The following USP13 variants were observed in gnomAD, a reference collection of about 807,000 sequenced individuals.
USP13 encodes the protein ubiquitin specific peptidase 13.
Under a neutral mutation model 107.8 loss-of-function variants are expected in USP13, and 68 were observed. The observed-to-expected ratio is 0.63, with a 90% CI of 0.52 to 0.77. The LOEUF (loss-of-function observed/expected upper bound fraction) is 0.77. USP13 is among the 30% of genes least tolerant of loss of function. The probability of loss-of-function intolerance (pLI) is 0.00; values close to 1 mark genes in which losing one functional copy is unlikely to be tolerated. For synonymous variants in USP13, 377 were observed against 389.5 expected (o/e 0.97, Z 0.38); for missense variants, 945 against 1,093.3 (o/e 0.86, Z 1.91).
chr3:179,770,691 A>G (rs56873355), intron 19 of USP13, among the ~76,000 whole-genome samples: 1,618 of 151,556 alleles, frequency 0.011, 32 homozygotes, highest in African/African-American at 0.038. Flanking sequence ...TGCAACCTCC[A>G]ACTCCCTGGT....
At chr3:179,745,289 A>C in intron 13 of USP13, 72 bp downstream of exon 13, 1 of 1,325,224 alleles carries the variant, frequency 7.5e-7, no homozygotes, top group Non-Finnish European at 1.0e-6. Context: ...GGTAAGGGAA[A>C]GGGGGTGGGT....
intron 19 of USP13, 97 bp downstream of exon 19, chr3:179,765,945 A>T: frequency 7.4e-7 from 1 of 1,351,598 alleles, no homozygotes; most frequent in Admixed American, 2.5e-5. Context: ...CTTTGCCATC[A>T]TTCAAAAGTT....
At chr3:179,756,904 T>C (rs1002709576) in intron 15 of USP13, 148 bp from the exon 16 acceptor site, 1 of 718,618 alleles carries the variant, frequency 1.4e-6, no homozygotes, top group Non-Finnish European at 2.4e-6. Flanking sequence ...GCTGGGGTGG[T>C]CTGCGTGTGG....
intron 1 of USP13, among the ~76,000 whole-genome samples, chr3:179,666,789 T>G (rs551178433): frequency 6.6e-6 from 1 of 152,136 alleles, no homozygotes; most frequent in East Asian, 1.9e-4. Context: ...CACGAGAGCA[T>G]GTGCTTGCCG....
At chr3:179,706,507 C>G (rs1042673029) in intron 4 of USP13, among the ~76,000 whole-genome samples, 1 of 152,182 alleles carries the variant, frequency 6.6e-6, no homozygotes, top group Non-Finnish European at 1.5e-5. Context: ...TGACCACATG[C>G]CATTGTGTGA....
intron 10 of USP13, among the ~76,000 whole-genome samples, chr3:179,730,988 G>A (rs929987902): frequency 1.3e-5 from 2 of 152,194 alleles, no homozygotes; most frequent in African/African-American, 2.4e-5. Context: ...AGCTGAGATC[G>A]AAGGACTAAA....
At position 179,653,423 on chromosome 3, in the gene USP13, G is replaced by C; in HGVS notation, c.168+30G>C. The C allele has an allele frequency of 6.5e-7, 1 of 1,541,204 alleles. No homozygotes were observed. Among genetic ancestry groups the C allele is most frequent in the South Asian group, 1.2e-5 (1 of 83,756 alleles). Reference sequence around the variant, plus strand: ...GTGAGGCGCCTCGGGGGAGGGTCGCGGGGCCGGCGGCCTGCGGCACGTGAA... The same window carrying C: ...GTGAGGCGCCTCGGGGGAGGGTCGCCGGGCCGGCGGCCTGCGGCACGTGAA... On this transcript the variant is annotated intron_variant, in intron 1 of 20. Transcript: ENST00000263966. This position sits in a 1 kb window ranked among gnomAD's most constrained non-coding sequence, Gnocchi z 4.0.
At chr3:179,671,228 C>CT (rs1560043038) in intron 1 of USP13, among the ~76,000 whole-genome samples, 3 of 152,038 alleles carry the variant, frequency 2.0e-5, no homozygotes, top group South Asian at 2.1e-4. Context: ...GTGAGACTCT[C>CT]TCAAAGATAA....
At chr3:179,735,331 A>G (rs1381040538) in intron 10 of USP13, among the ~76,000 whole-genome samples, 1 of 152,038 alleles carries the variant, frequency 6.6e-6, no homozygotes, top group Non-Finnish European at 1.5e-5. Flanking sequence ...GCTAAATGGG[A>G]AACATGCTTT....
At chr3:179,720,443 C>T (rs1335146310) in intron 7 of USP13, among the ~76,000 whole-genome samples, 1 of 152,182 alleles carries the variant, frequency 6.6e-6, no homozygotes, top group Non-Finnish European at 1.5e-5. Context: ...GGGGATAGAA[C>T]GAATAAACCA....
chr3:179,653,546 G>T lies in USP13; in HGVS notation c.168+153G>T, dbSNP rs1720154912. The T allele has an allele frequency of 1.2e-5, 13 of 1,061,992 alleles. No homozygotes were observed. The highest frequency in any genetic ancestry group is 1.7e-5 in the Non-Finnish European group (13 of 753,618). The allele number at this position is 1,061,992 out of a possible 1,614,324, so 65.8% of individuals were successfully genotyped here. ...CACTGCAGTTCGGCAGACACTTAGT[G>T]AGCGCCCCAGGGCTGCTGCAGCCGA... On this transcript the variant is annotated intron_variant, in intron 1 of 20. Coordinates refer to ENST00000263966, the MANE Select transcript of USP13 (RefSeq NM_003940.3). The surrounding 1 kb of genome is among the most constrained non-coding windows in gnomAD (Gnocchi z 4.0).
chr3:179,683,259 G>C (rs1410759129), intron 2 of USP13, among the ~76,000 whole-genome samples: 1 of 150,460 alleles, frequency 6.6e-6, no homozygotes, highest in African/African-American at 2.4e-5. Context: ...CTTTGTTTAT[G>C]AATTATTTTG....
chr3:179,653,541 T>G lies in USP13; in HGVS notation c.168+148T>G, dbSNP rs79428762. 77,707 of 1,153,668 alleles carry G rather than the reference T, an allele frequency of 0.067. 3,017 individuals carry two copies. The highest frequency in any genetic ancestry group is 0.089 in the Middle Eastern group (295 of 3,306). 71.5% of individuals were successfully genotyped at this position (1,153,668 alleles called of 1,614,324 possible). Reference sequence around the variant, plus strand: ...AGGAACACTGCAGTTCGGCAGACACTTAGTGAGCGCCCCAGGGCTGCTGCA... The same window carrying G: ...AGGAACACTGCAGTTCGGCAGACACGTAGTGAGCGCCCCAGGGCTGCTGCA... On this transcript the variant is annotated intron_variant, in intron 1 of 20. Coordinates refer to ENST00000263966, the MANE Select transcript of USP13 (RefSeq NM_003940.3). This position sits in a 1 kb window ranked among gnomAD's most constrained non-coding sequence, Gnocchi z 4.0.
In USP13 at chr3:179,712,594, C is replaced by A. The variant is rs576670449; in HGVS notation, c.805+3637C>A. 2.6e-5 allele frequency among the ~76,000 whole-genome samples: 4 copies of A among 151,970 alleles called. No homozygotes were observed. The South Asian group carries it at 8.3e-4, about 32-fold the overall frequency. ...ATGTTTTTCTATGCTATTAAATATTCTTCAGTATTTTATGATGGTTTCATA... is the reference window on the plus strand; with the variant it reads ...ATGTTTTTCTATGCTATTAAATATTATTCAGTATTTTATGATGGTTTCATA... On this transcript the variant is annotated intron_variant, in intron 6 of 20. Transcript: ENST00000263966.
Position 179,774,881 on chromosome 3 carries a change from G to A in USP13, c.2414-6858G>A, listed in dbSNP as rs193102845. Among the ~76,000 whole-genome samples, 165 of 152,130 alleles carry A rather than the reference G, an allele frequency of 1.1e-3. 1 individual carries two copies. Among genetic ancestry groups the A allele is most frequent in the African/African-American group, 3.8e-3 (156 of 41,464 alleles). On this transcript the variant is annotated intron_variant, in intron 19 of 20. Coordinates refer to ENST00000263966, the MANE Select transcript of USP13 (RefSeq NM_003940.3). ...TGATTGGTGCATTTACAATCCCTGA[G>A]CTAGACACAGAGTGCTGATTGGTGT...
At chr3:179,657,751 G>C (rs1176521417) in intron 1 of USP13, among the ~76,000 whole-genome samples, 3 of 94,956 alleles carry the variant, frequency 3.2e-5, no homozygotes, top group Non-Finnish European at 5.8e-5. Flanking sequence ...TGACAGAGGG[G>C]AATTCCGTCT....
At chr3:179,681,753 A>T in intron 1 of USP13, 125 bp from the exon 2 acceptor site, 5 of 1,229,990 alleles carry the variant, frequency 4.1e-6, no homozygotes, top group Non-Finnish European at 5.7e-6. Context: ...GTATCACAGC[A>T]GGAGCCTCGG....
At chr3:179,744,507 G>C (rs537247735) in intron 12 of USP13, among the ~76,000 whole-genome samples, 1 of 152,288 alleles carries the variant, frequency 6.6e-6, no homozygotes, top group East Asian at 1.9e-4. Context: ...GGCCTTATCT[G>C]TTGGGTTGTG....
intron 2 of USP13, among the ~76,000 whole-genome samples, chr3:179,686,263 G>T (rs1226491518): frequency 6.6e-6 from 1 of 152,114 alleles, no homozygotes; most frequent in African/African-American, 2.4e-5. Flanking sequence ...GGGAATCCCT[G>T]GACAGGAACT....
Sources: allele counts gnomAD v4.1 joint callset (sites outside exome capture counted in the v4.1 genomes callset), GRCh38; gene constraint gnomAD v4.1.1; non-coding constraint Gnocchi (gnomAD v3.1); transcripts MANE v1.5; gene names NCBI Gene and HGNC (gene_info 2026-07-23, HGNC 2026-07-21).